AGBL1: variants seen among roughly 807,000 people sequenced by gnomAD.
AGBL1 encodes the protein cytosolic carboxypeptidase 4.
A neutral mutation model predicts 118.9 loss-of-function variants in AGBL1; 130 were observed. The ratio of observed to expected loss-of-function variants is 1.09; its 90% CI spans 0.95 to 1.26. AGBL1 has a LOEUF of 1.26. Among genes scored for constraint, AGBL1 ranks in the 50% most tolerant of loss-of-function variants. The pLI is 0.00. For synonymous variants in AGBL1, 555 were observed against 478.9 expected (o/e 1.16, Z -2.08); for missense variants, 1,584 against 1,298.1 (o/e 1.22, Z -3.38).
At chr15:86,159,770 A>T (rs1378862967) in intron 5 of AGBL1, among the ~76,000 whole-genome samples, 1 of 152,126 alleles carries the variant, frequency 6.6e-6, no homozygotes, top group Non-Finnish European at 1.5e-5. Flanking sequence ...TTTGGCAAGT[A>T]ACATTTCCAT....
intron 22 of AGBL1, among the ~76,000 whole-genome samples, chr15:86,833,625 G>A (rs1032270805): frequency 2.0e-5 from 3 of 151,988 alleles, no homozygotes; most frequent in African/African-American, 7.3e-5. Context: ...ACATGAAAAC[G>A]AACTAATACA....
At chr15:86,084,664 T>C (rs1442879677) in intron 1 of AGBL1, among the ~76,000 whole-genome samples, 1 of 152,240 alleles carries the variant, frequency 6.6e-6, no homozygotes, top group Non-Finnish European at 1.5e-5. Flanking sequence ...ATATGAATTT[T>C]CTACAGTAGA....
chr15:86,753,415 T>TTTTTTTTTTTTTTC (rs35941815), intron 22 of AGBL1, among the ~76,000 whole-genome samples: 2 of 139,796 alleles, frequency 1.4e-5, no homozygotes, highest in African/African-American at 5.3e-5. Flanking sequence ...TTTTTTTTTT[T>TTTTTTTTTTTTTTC]GAGACAGAGT....
chr15:86,597,862 AT>A (rs1409134703), intron 21 of AGBL1, among the ~76,000 whole-genome samples: 2 of 119,184 alleles, frequency 1.7e-5, no homozygotes, highest in Non-Finnish European at 3.8e-5. Flanking sequence ...AACTTATGTG[AT>A]TGGTTTGGGG....
intron 18 of AGBL1, among the ~76,000 whole-genome samples, chr15:86,416,960 C>G (rs2081704529): frequency 2.0e-5 from 3 of 152,172 alleles, no homozygotes; most frequent in African/African-American, 7.2e-5. Flanking sequence ...AGATCTTATC[C>G]CTATTATTCC....
intron 17 of AGBL1, among the ~76,000 whole-genome samples, chr15:86,344,272 GACAATGAATGGC>G (rs1215188879): frequency 6.6e-6 from 1 of 152,208 alleles, no homozygotes; most frequent in African/African-American, 2.4e-5. Flanking sequence ...AGTGTGATGA[GACAATGAATGGC>G]AGCAGCGTTC....
intron 5 of AGBL1, among the ~76,000 whole-genome samples, chr15:86,183,638 G>A (rs1328342141): frequency 6.6e-6 from 1 of 152,188 alleles, no homozygotes. Flanking sequence ...AGAGGAAAGA[G>A]CCAGCCTCAG....
At chr15:86,511,153 C>A (rs1027083394) in intron 18 of AGBL1, among the ~76,000 whole-genome samples, 5 of 151,900 alleles carry the variant, frequency 3.3e-5, no homozygotes, top group Non-Finnish European at 7.4e-5. Flanking sequence ...AATTTTGTAC[C>A]TGAAACAAAC....
At chr15:86,752,693 C>G (rs1485417849) in intron 22 of AGBL1, among the ~76,000 whole-genome samples, 1 of 152,080 alleles carries the variant, frequency 6.6e-6, no homozygotes. Context: ...TTAAGGATGA[C>G]AGCCTTCTCC....
intron 24 of AGBL1, among the ~76,000 whole-genome samples, chr15:87,007,071 G>A (rs1043736623): frequency 2.0e-5 from 3 of 152,142 alleles, no homozygotes; most frequent in Non-Finnish European, 4.4e-5. Flanking sequence ...CTTGTATTGG[G>A]TAAAAATCAA....
chr15:86,785,374 T>TG (rs964884286), intron 22 of AGBL1, among the ~76,000 whole-genome samples: 1 of 139,800 alleles, frequency 7.2e-6, no homozygotes, highest in African/African-American at 2.7e-5. Flanking sequence ...TTTTTTTTTT[T>TG]TTTTGTTTTT....
chr15:86,804,916 C>G (rs1306590987), intron 22 of AGBL1, among the ~76,000 whole-genome samples: 1 of 152,082 alleles, frequency 6.6e-6, no homozygotes. Flanking sequence ...AAACCAAGAG[C>G]TCAAAGCTAA....
At chr15:86,537,321 A>G (rs2083440100) in intron 19 of AGBL1, among the ~76,000 whole-genome samples, 1 of 152,248 alleles carries the variant, frequency 6.6e-6, no homozygotes, top group Non-Finnish European at 1.5e-5. Context: ...AAATAGATTA[A>G]TGCTTCTACC....
rs533177539 is a variant in AGBL1, at chr15:86,288,406, T to C, written c.2221-6849T>C. Among the ~76,000 whole-genome samples, 3 of 152,308 alleles carry C rather than the reference T, an allele frequency of 2.0e-5. No individual in the cohort carries two copies. The East Asian group carries it at 5.8e-4, about 29-fold the overall frequency. On this transcript the variant is annotated intron_variant, in intron 16 of 22. Transcript: ENST00000614907. ...GGGATACCCAGATGTCTACTTCTTA[T>C]ATCAGGGCTTTAGTTAATAATTTAA...
chr15:86,638,142 A>G (rs2085129155), intron 21 of AGBL1, among the ~76,000 whole-genome samples: 1 of 152,198 alleles, frequency 6.6e-6, no homozygotes, highest in South Asian at 2.1e-4. Flanking sequence ...TTTGAAAAAA[A>G]TCCTACAATG....
At position 86,816,764 on chromosome 15, in the gene AGBL1, G is replaced by A. The variant is rs932758929; in HGVS notation, c.3159-90323G>A. On this transcript the variant is annotated intron_variant, in intron 22 of 22. Transcript: ENST00000614907. ...CCCTCTCTGAGGTCAGTGACCAGAA[G>A]AGGTAAGTGGGTGTAAATGACAATC... is the stretch of plus-strand genomic sequence containing the variant. Among the ~76,000 whole-genome samples the A allele has an allele frequency of 1.6e-4, 24 of 152,174 alleles. 1 individual carries two copies. The highest frequency in any genetic ancestry group is 3.6e-4 in the African/African-American group (15 of 41,438).
intron 22 of AGBL1, among the ~76,000 whole-genome samples, chr15:86,832,564 C>A (rs913146842): frequency 1.9e-4 from 29 of 152,186 alleles, no homozygotes; most frequent in African/African-American, 6.5e-4. Context: ...CAAAATGTCA[C>A]CAGTCTCTTT....
At chr15:86,636,138 A>G (rs976478698) in intron 21 of AGBL1, among the ~76,000 whole-genome samples, 3 of 152,166 alleles carry the variant, frequency 2.0e-5, no homozygotes, top group African/African-American at 7.2e-5. Context: ...GATGGAGGGG[A>G]CTGGAAAAGT....
chr15:86,380,343 G>A (rs1272998774), intron 17 of AGBL1, among the ~76,000 whole-genome samples: 1 of 147,996 alleles, frequency 6.8e-6, no homozygotes, highest in Non-Finnish European at 1.5e-5. Context: ...GGAGGACAGT[G>A]GTGCAATCTC....
Sources: gnomAD v4.1 joint callset for allele counts (sites outside exome capture counted in the v4.1 genomes callset) on GRCh38, gnomAD v4.1.1 for gene constraint, MANE v1.5 for transcripts, NCBI Gene and HGNC (gene_info 2026-07-23, HGNC 2026-07-21) for gene names.